The following HBP1 variants were observed in gnomAD, a reference collection of about 807,000 sequenced individuals.
HBP1 encodes the protein HMG-box transcription factor 1, also known as HMG box-containing protein 1.
A neutral mutation model predicts 62.6 loss-of-function variants in HBP1; 20 were observed. The ratio of observed to expected loss-of-function variants is 0.32; its 90% CI spans 0.22 to 0.46. The LOEUF (loss-of-function observed/expected upper bound fraction) is 0.46, where lower values mean the gene tolerates loss of function less well. HBP1 is among the 20% of genes least tolerant of loss of function. The pLI is 1.00. For synonymous variants in HBP1, 232 were observed against 206.2 expected (o/e 1.12, Z -1.07); for missense variants, 480 against 611.8 (o/e 0.78, Z 2.27).
chr7:107,190,637 T>C (rs1797608023), intron 8 of HBP1, among the ~76,000 whole-genome samples: 1 of 152,244 alleles, frequency 6.6e-6, no homozygotes, highest in Admixed American at 6.5e-5. Context: ...AAAGTTGTGA[T>C]ATCTGGCCAG....
At chr7:107,190,997 A>G (rs1330882433) in intron 8 of HBP1, among the ~76,000 whole-genome samples, 2 of 152,156 alleles carry the variant, frequency 1.3e-5, no homozygotes, top group East Asian at 3.9e-4. Flanking sequence ...AACTGGAACA[A>G]TTGGCCACCT....
chr7:107,176,678 C>G (rs145136607), intron 1 of HBP1, among the ~76,000 whole-genome samples: 1 of 148,182 alleles, frequency 6.7e-6, no homozygotes, highest in African/African-American at 2.5e-5. Context: ...TAGAGAATCA[C>G]TGATGAAATT....
rs1487435941 is a variant in HBP1, at chr7:107,200,508, G to A, written c.1527+207G>A. 25 of 387,578 alleles carry A rather than the reference G, an allele frequency of 6.5e-5. No individual in the cohort carries two copies. The East Asian group carries it at 8.4e-4, about 13-fold the overall frequency. 24.0% of individuals were successfully genotyped at this position (387,578 alleles called of 1,614,324 possible). A position where few individuals can be genotyped will look rare whatever the true frequency, so the allele number is the denominator to read the frequency against. ...ATTTACTCTCATAGCATGGCAAGTC[G>A]AAATCTCAGGCAAACTTCAAAAGAA... is the stretch of plus-strand genomic sequence containing the variant. On this transcript the variant is annotated intron_variant, in intron 10 of 10. Coordinates refer to ENST00000222574, the MANE Select transcript of HBP1 (RefSeq NM_012257.4).
At chr7:107,197,474 T>A (rs1475977056) in intron 9 of HBP1, among the ~76,000 whole-genome samples, 2 of 152,152 alleles carry the variant, frequency 1.3e-5, no homozygotes, top group Non-Finnish European at 2.9e-5. Flanking sequence ...GTTCAAGCGA[T>A]TCTCCTGCCT....
chr7:107,198,442 T>G (rs1222154449), intron 9 of HBP1, among the ~76,000 whole-genome samples: 2 of 152,148 alleles, frequency 1.3e-5, no homozygotes, highest in East Asian at 1.9e-4. Context: ...ACTCCTGATC[T>G]CAGGTGATCT....
intron 9 of HBP1, chr7:107,196,980 T>C (rs1441841180): frequency 6.6e-6 from 1 of 152,274 alleles, no homozygotes; most frequent in Non-Finnish European, 1.5e-5. Context: ...TCTATCTTTA[T>C]GGAACAGCTT....
At chr7:107,171,045 A>AT (rs1469465593) in intron 1 of HBP1, among the ~76,000 whole-genome samples, 41 of 84,242 alleles carry the variant, frequency 4.9e-4, no homozygotes, top group Non-Finnish European at 7.0e-4. Context: ...ATACATGTAT[A>AT]AATATATATA....
intron 1 of HBP1, among the ~76,000 whole-genome samples, chr7:107,171,074 T>TATATTA: frequency 2.7e-5 from 1 of 37,526 alleles, no homozygotes; most frequent in African/African-American, 1.7e-4. Context: ...TATATATATA[T>TATATTA]TTTTTTTTTT....
chr7:107,171,146 T>G (rs181530502), intron 1 of HBP1, among the ~76,000 whole-genome samples: 2 of 144,094 alleles, frequency 1.4e-5, no homozygotes, highest in South Asian at 4.4e-4. Flanking sequence ...CTCGGCTCAC[T>G]GCAACCTCCA....
chr7:107,169,818 G>A, intron 1 of HBP1: 1 of 985,428 alleles, frequency 1.0e-6, no homozygotes, highest in Non-Finnish European at 1.2e-6. Flanking sequence ...ATGGGGGGAA[G>A]GGAGGGGAAC....
At chr7:107,177,066 T>C (rs1396482848) in intron 1 of HBP1, among the ~76,000 whole-genome samples, 1 of 152,216 alleles carries the variant, frequency 6.6e-6, no homozygotes, top group African/African-American at 2.4e-5. Flanking sequence ...AGCTGTTCTA[T>C]TTAGGACATT....
chr7:107,178,632 A>G (rs762006199), intron 1 of HBP1, among the ~76,000 whole-genome samples: 6 of 152,192 alleles, frequency 3.9e-5, no homozygotes, highest in Admixed American at 2.6e-4. Flanking sequence ...ATCTTTTATT[A>G]TGGCTAGGTC....
chr7:107,181,479 A>T (rs1012597331), intron 2 of HBP1, among the ~76,000 whole-genome samples: 5 of 150,594 alleles, frequency 3.3e-5, no homozygotes, highest in East Asian at 1.9e-4. Flanking sequence ...CTCAAAAAAA[A>T]ATTTTTTTTT....
intron 1 of HBP1, among the ~76,000 whole-genome samples, chr7:107,170,864 C>T (rs1796522003): frequency 6.6e-6 from 1 of 150,602 alleles, no homozygotes; most frequent in African/African-American, 2.4e-5. Flanking sequence ...GGGCATACCT[C>T]TCAGACGTCA....
intron 1 of HBP1, among the ~76,000 whole-genome samples, chr7:107,171,159 T>G (rs1796574738): frequency 6.8e-6 from 1 of 146,014 alleles, no homozygotes; most frequent in Non-Finnish European, 1.5e-5. Context: ...AACCTCCACC[T>G]TCTGGGTTCA....
chr7:107,169,633 A>C, intron 1 of HBP1: 1 of 550,142 alleles, frequency 1.8e-6, no homozygotes, highest in Non-Finnish European at 2.3e-6. Flanking sequence ...GACCCCAGTG[A>C]GGCGCCGCCT....
At chr7:107,187,709 A>G (rs1168088103) in intron 6 of HBP1, among the ~76,000 whole-genome samples, 1 of 152,204 alleles carries the variant, frequency 6.6e-6, no homozygotes, top group Non-Finnish European at 1.5e-5. Context: ...CTCAAAGGTT[A>G]CTAGCTTTAT....
chr7:107,173,000 A>G (rs970861994), intron 1 of HBP1, among the ~76,000 whole-genome samples: 1 of 152,222 alleles, frequency 6.6e-6, no homozygotes, highest in African/African-American at 2.4e-5. Context: ...GAATCCACTA[A>G]GGGTTTTTGT....
chr7:107,176,050 G>C (rs1203822892), intron 1 of HBP1, among the ~76,000 whole-genome samples: 11 of 143,606 alleles, frequency 7.7e-5, no homozygotes, highest in Non-Finnish European at 1.7e-4. Context: ...TTCGGAAATG[G>C]AGTCTCGCTC....
Sources: gnomAD v4.1 joint callset for allele counts (sites outside exome capture counted in the v4.1 genomes callset) on GRCh38, gnomAD v4.1.1 for gene constraint, MANE v1.5 for transcripts, NCBI Gene and HGNC (gene_info 2026-07-23, HGNC 2026-07-21) for gene names.